Variants in ARHGEF37 observed in about 807,000 individuals in gnomAD.
The protein encoded by ARHGEF37 is Rho guanine nucleotide exchange factor (GEF) 37.
A neutral mutation model predicts 71.1 loss-of-function variants in ARHGEF37; 55 were observed. The observed-to-expected ratio is 0.77, with a 90% CI of 0.62 to 0.97. ARHGEF37 has a LOEUF of 0.97. Ranked by LOEUF, ARHGEF37 falls within the 50% of genes least tolerant of loss-of-function variation. The pLI, the probability that ARHGEF37 is intolerant of heterozygous loss-of-function variation, is 0.00. For missense variants in ARHGEF37, 765 were observed against 836.8 expected (o/e 0.91, Z 1.06); for synonymous variants, 327 against 350.6 (o/e 0.93, Z 0.75).
chr5:149,592,292 T>C (rs1763430417), intron 1 of ARHGEF37, among the ~76,000 whole-genome samples: 1 of 152,252 alleles, frequency 6.6e-6, no homozygotes, highest in Non-Finnish European at 1.5e-5. Flanking sequence ...ACTATTCTTT[T>C]ATACTCACAC....
chr5:149,578,727 T>C (rs1433184773), upstream of ARHGEF37, among the ~76,000 whole-genome samples: 2 of 152,230 alleles, frequency 1.3e-5, no homozygotes, highest in African/African-American at 4.8e-5. Flanking sequence ...TGGATTAGTG[T>C]CACCGAGGGC....
intron 4 of ARHGEF37, among the ~76,000 whole-genome samples, chr5:149,614,989 G>C (rs1364539484): frequency 6.6e-6 from 1 of 152,122 alleles, no homozygotes; most frequent in Admixed American, 6.5e-5. Flanking sequence ...AGGGGCTACT[G>C]GTCATAATCA....
intron 1 of ARHGEF37, among the ~76,000 whole-genome samples, chr5:149,572,571 G>C (rs771945221): frequency 6.6e-6 from 1 of 152,204 alleles, no homozygotes; most frequent in Non-Finnish European, 1.5e-5. Flanking sequence ...GAGGGTTAAC[G>C]TATCAACTTG....
chr5:149,604,387 A>G (rs1763844633), intron 3 of ARHGEF37, among the ~76,000 whole-genome samples: 1 of 152,212 alleles, frequency 6.6e-6, no homozygotes, highest in Non-Finnish European at 1.5e-5. Flanking sequence ...TTCATTGTTT[A>G]TCTAAAATTC....
At chr5:149,567,319 A>G (rs1280600883) in intron 1 of ARHGEF37, among the ~76,000 whole-genome samples, 1 of 152,242 alleles carries the variant, frequency 6.6e-6, no homozygotes, top group African/African-American at 2.4e-5. Flanking sequence ...ACATTATGCC[A>G]ACCCAGCATA....
At chr5:149,605,392 A>T (rs985949507) in intron 3 of ARHGEF37, among the ~76,000 whole-genome samples, 3 of 152,214 alleles carry the variant, frequency 2.0e-5, no homozygotes, top group Non-Finnish European at 4.4e-5. Flanking sequence ...ACATGTAATC[A>T]GTATAAACAT....
chr5:149,620,829 C>CAAAAAAAAAAA (rs66996935), intron 8 of ARHGEF37, among the ~76,000 whole-genome samples: 44,907 of 140,852 alleles, frequency 0.32, 7,475 homozygotes, highest in East Asian at 0.48. Flanking sequence ...GACTCCTTCT[C>CAAAAAAAAAAA]AAAAAAAGAA....
chr5:149,597,419 T>A (rs1763580047), intron 1 of ARHGEF37, among the ~76,000 whole-genome samples: 1 of 151,990 alleles, frequency 6.6e-6, no homozygotes, highest in South Asian at 2.1e-4. Flanking sequence ...CCACCATGCC[T>A]GGCTAATTTT....
intron 3 of ARHGEF37, among the ~76,000 whole-genome samples, chr5:149,608,839 T>C (rs1311895728): frequency 6.6e-6 from 1 of 152,168 alleles, no homozygotes; most frequent in Non-Finnish European, 1.5e-5. Context: ...AGCATGTCTT[T>C]GTAAATTGGG....
chr5:149,616,808 C>A, intron 5 of ARHGEF37, 42 bp downstream of exon 5: 1 of 1,513,636 alleles, frequency 6.6e-7, no homozygotes, highest in South Asian at 1.2e-5. Context: ...AGTAGGAATG[C>A]TTCCAGTTAC....
intron 1 of ARHGEF37, among the ~76,000 whole-genome samples, chr5:149,563,434 G>A (rs1008128598): frequency 7.9e-5 from 12 of 152,202 alleles, no homozygotes; most frequent in Middle Eastern, 3.2e-3. Context: ...TGCAAGCCAT[G>A]TTTTGATGAT....
chr5:149,634,773 T>C lies in ARHGEF37; in HGVS notation c.*2582T>C, dbSNP rs1752984410. The C allele has an allele frequency of 6.6e-6, 1 of 152,662 alleles. No individual in the cohort carries two copies. The allele number at this position is 152,662 out of a possible 1,614,324, so 9.5% of individuals were successfully genotyped here. ...AAGACTTCCAGGAGTTGAAGTCTGG[T>C]TCACAAGGGTACCCCTTGCCTCCTG... On this transcript the variant is annotated 3_prime_UTR_variant, in exon 13 of 13. Transcript: ENST00000333677.
At position 149,558,725 on chromosome 5, in the gene ARHGEF37, GTGTGTGTGTGTGTATATA is replaced by G. The variant is rs1329245341; in HGVS notation, c.-12+6604_-12+6621del. Among the ~76,000 whole-genome samples, 251 of 118,260 alleles carry G rather than the reference GTGTGTGTGTGTGTATATA, an allele frequency of 2.1e-3. 3 individuals carry two copies. Among genetic ancestry groups the G allele is most frequent in the African/African-American group, 7.9e-3 (230 of 29,208 alleles). 77.6% of individuals were successfully genotyped at this position (118,260 alleles called of 152,430 possible). On this transcript the variant is annotated intron_variant, in intron 1 of 2. Transcript: ENST00000505810. ...TGTGTGTGTGTGTGTGTGTGTGTGTGTGTGTGTGTGTGTATATATATTTTTATATGTATAAAATATTTA... is the reference window on the plus strand; with the variant it reads ...TGTGTGTGTGTGTGTGTGTGTGTGTGTATTTTTATATGTATAAAATATTTA...
intron 4 of ARHGEF37, among the ~76,000 whole-genome samples, chr5:149,611,669 G>T (rs985574984): frequency 2.0e-5 from 3 of 152,186 alleles, no homozygotes; most frequent in African/African-American, 4.8e-5. Context: ...TAACAGCCCC[G>T]CATGGGGCAT....
At chr5:149,574,168 G>A (rs1046646217) in intron 1 of ARHGEF37, among the ~76,000 whole-genome samples, 3 of 152,158 alleles carry the variant, frequency 2.0e-5, no homozygotes, top group Non-Finnish European at 2.9e-5. Context: ...TGTATTCCAA[G>A]GAACTGAATG....
In ARHGEF37 at chr5:149,609,578, T is replaced by G. The variant is rs766350831; in HGVS notation, c.341T>G (p.Leu114Trp). The G allele has an allele frequency of 1.2e-6, 2 of 1,613,956 alleles. No individual in the cohort carries two copies. The highest frequency in any genetic ancestry group is 2.7e-5 in the African/African-American group (2 of 74,920). ...GNIFLEFQEE[L>W]EQVYKVYCAS... is the part of the protein sequence containing the mutation. ...ATATTTCTGGAATTCCAAGAGGAGT[T>G]GGAGCAAGTCTATAAGGTCTACTGT... The change falls in exon 4 of 13, where the codon TTG becomes TGG. Residue 114 changes from leucine (L) to tryptophan (W), a missense_variant. Coordinates refer to ENST00000333677, the MANE Select transcript of ARHGEF37 (RefSeq NM_001001669.3).
intron 3 of ARHGEF37, among the ~76,000 whole-genome samples, chr5:149,608,650 G>A (rs975244741): frequency 2.6e-5 from 4 of 151,962 alleles, no homozygotes; most frequent in African/African-American, 4.8e-5. Context: ...GATTATAGGC[G>A]TGACCCACCA....
chr5:149,614,626 G>A (rs1226352646), intron 4 of ARHGEF37, among the ~76,000 whole-genome samples: 2 of 152,144 alleles, frequency 1.3e-5, no homozygotes, highest in East Asian at 3.8e-4. Flanking sequence ...TCCAGAGGAT[G>A]GAGTCTTGCA....
At chr5:149,556,557 T>C (rs1762760477) in intron 1 of ARHGEF37, among the ~76,000 whole-genome samples, 1 of 152,100 alleles carries the variant, frequency 6.6e-6, no homozygotes, top group South Asian at 2.1e-4. Flanking sequence ...CCAGCTAATT[T>C]TGTATTTTTA....
Sources: gnomAD v4.1 joint callset for allele counts (sites outside exome capture counted in the v4.1 genomes callset) on GRCh38, gnomAD v4.1.1 for gene constraint, MANE v1.5 for transcripts, NCBI Gene and HGNC (gene_info 2026-07-23, HGNC 2026-07-21) for gene names.